ALG12: variants seen among roughly 807,000 people sequenced by gnomAD.
The protein encoded by ALG12 is dol-P-Man:Man(7)GlcNAc(2)-PP-Dol alpha-1,6-mannosyltransferase.
In ALG12, 36 loss-of-function variants were observed where a neutral mutation model predicts 46.0. That is an observed-to-expected ratio of 0.78 (90% CI 0.60 to 1.03). The LOEUF (loss-of-function observed/expected upper bound fraction) is 1.03, where lower values mean the gene tolerates loss of function less well. Ranked by LOEUF, ALG12 falls within the 50% of genes least tolerant of loss-of-function variation. The probability of loss-of-function intolerance (pLI) is 0.00; values close to 1 mark genes in which losing one functional copy is unlikely to be tolerated. For synonymous variants in ALG12, 326 were observed against 291.6 expected (o/e 1.12, Z -1.20); for missense variants, 599 against 633.5 (o/e 0.95, Z 0.58).
chr22:49,899,293 G>A (rs1171247300), downstream of ALG12, among the ~76,000 whole-genome samples: 2 of 152,050 alleles, frequency 1.3e-5, no homozygotes, highest in Non-Finnish European at 2.9e-5. Context: ...TGGCCAATAT[G>A]GTGAAACCCT....
the ALG12 span, chr22:49,884,912 C>G: frequency 1.2e-6 from 2 of 1,602,792 alleles, no homozygotes; most frequent in Non-Finnish European, 1.7e-6. Flanking sequence ...TTCTCATCTT[C>G]CGATGACATA....
Position 49,909,847 on chromosome 22 carries a change from A to C in ALG12, c.664+47T>G, listed in dbSNP as rs375346006. 2.2e-5 allele frequency: 35 copies of C among 1,611,736 alleles called. No individual in the cohort carries two copies. In the African/African-American group the frequency reaches 4.0e-4, roughly 18 times the overall value. On this transcript the variant is annotated intron_variant, in intron 5 of 9. Transcript: ENST00000330817. ...AATTTCTCTTGACCTTTGTAAAACA[A>C]GGCAAAACAAAATCCAGTTAGAAGC...
chr22:49,884,756 C>G, the ALG12 span: 3 of 1,595,544 alleles, frequency 1.9e-6, no homozygotes, highest in African/African-American at 1.3e-5. Flanking sequence ...TTGCTGCCGC[C>G]GGAGGGGGAG....
the ALG12 span, among the ~76,000 whole-genome samples, chr22:49,864,937 GCCC>G: frequency 0.011 from 126 of 11,340 alleles, 17 homozygotes; most frequent in South Asian, 0.08. Flanking sequence ...ATCCCAGCAA[GCCC>G]CCCCCCCCCC....
At position 49,905,063 on chromosome 22, in the gene ALG12, AAGTGACTGTG is replaced by A. The variant is rs1346967652; in HGVS notation, c.993-567_993-558del. 1.3e-5 allele frequency among the ~76,000 whole-genome samples: 2 copies of A among 152,210 alleles called. No individual in the cohort carries two copies. The highest frequency in any genetic ancestry group is 3.9e-4 in the East Asian group (2 of 5,178). On this transcript the variant is annotated intron_variant, in intron 7 of 9. Coordinates refer to ENST00000330817, the MANE Select transcript of ALG12 (RefSeq NM_024105.4). The surrounding 1 kb of genome is among the most constrained non-coding windows in gnomAD (Gnocchi z 4.9). ...TAAAAATATATTTTCAAACAATCCC[AAGTGACTGTG>A]TAGGTCAGAGTGCCACCCGCGCGGC... is the stretch of plus-strand genomic sequence containing the variant.
chr22:49,887,225 TAGC>T, the ALG12 span: 1 of 1,554,602 alleles, frequency 6.4e-7, no homozygotes, highest in Non-Finnish European at 8.7e-7. Context: ...GCCCCAGCGT[TAGC>T]AGCCTGTACC....
chr22:49,886,497 G>GGAGAT, the ALG12 span: 1 of 1,566,550 alleles, frequency 6.4e-7, no homozygotes, highest in Non-Finnish European at 8.7e-7. The surrounding 1 kb of genome is among the most constrained non-coding windows in gnomAD (Gnocchi z 7.7). Flanking sequence ...CTGCGAGCCG[G>GGAGAT]GAGATGAGCA....
At chr22:49,909,039 G>A (rs985861215) in intron 6 of ALG12, among the ~76,000 whole-genome samples, 2 of 152,036 alleles carry the variant, frequency 1.3e-5, no homozygotes, top group African/African-American at 2.4e-5. Flanking sequence ...CCCTCAGGCT[G>A]TTTCCTGGCT....
the ALG12 span, chr22:49,883,779 A>G: frequency 6.2e-7 from 1 of 1,613,402 alleles, no homozygotes; most frequent in Non-Finnish European, 8.5e-7. Context: ...GTTTGGAAAG[A>G]ATGGACTTTA....
the ALG12 span, chr22:49,886,620 G>A: frequency 6.3e-6 from 10 of 1,578,946 alleles, no homozygotes; most frequent in East Asian, 1.8e-4. The surrounding 1 kb of genome is among the most constrained non-coding windows in gnomAD (Gnocchi z 7.7). Flanking sequence ...GCTCTCTGAA[G>A]GAGGCCATGG....
chr22:49,913,090 T>A (rs1601826331), intron 3 of ALG12, among the ~76,000 whole-genome samples: 1 of 152,178 alleles, frequency 6.6e-6, no homozygotes, highest in African/African-American at 2.4e-5. Flanking sequence ...GCTTGCCAGG[T>A]GAGGCGGGAG....
At chr22:49,887,010 G>A in the ALG12 span, 20 of 1,613,926 alleles carry the variant, frequency 1.2e-5, no homozygotes, top group East Asian at 2.2e-5. Context: ...GGCTGTCCGC[G>A]CTGGCCGTCA....
At chr22:49,877,820 C>T in the ALG12 span, among the ~76,000 whole-genome samples, 1 of 152,288 alleles carries the variant, frequency 6.6e-6, no homozygotes, top group Non-Finnish European at 1.5e-5. Context: ...CGTGGCCCCT[C>T]CTCCCGCCAG....
the ALG12 span, chr22:49,889,207 G>A: frequency 4.2e-5 from 7 of 167,164 alleles, no homozygotes; most frequent in South Asian, 4.1e-4. Context: ...TCTAGTCCAC[G>A]ATTGGCAAGC....
Position 49,903,971 on chromosome 22 carries a change from C to T in ALG12, c.1334G>A (p.Arg445Lys). 6.2e-7 allele frequency: 1 copy of T among 1,614,222 alleles called. No individual in the cohort carries two copies. Among genetic ancestry groups the T allele is most frequent in the Non-Finnish European group, 8.5e-7 (1 of 1,180,020 alleles). Reference protein sequence around the residue: ...EAAPGLLALYRDTHRVLASVV... With the variant: ...EAAPGLLALYKDTHRVLASVV... ...GCTGGCCAGGACCCGGTGTGTGTCC[C>T]TGTAGAGGGCCAGGAGCCCAGGGGC... Residue 445 changes from arginine (R) to lysine (K), a missense_variant, in exon 10 of 10, where the codon AGG (arginine) becomes AAG (lysine). By Grantham distance (26) the Arg-to-Lys change is conservative (BLOSUM62 2). Transcript: ENST00000330817.
chr22:49,884,209 C>G, the ALG12 span: 1 of 1,604,918 alleles, frequency 6.2e-7, no homozygotes. Flanking sequence ...GTCCTCGTTC[C>G]CCTCTCCCTC....
the ALG12 span, chr22:49,885,681 T>C: frequency 6.2e-7 from 1 of 1,612,492 alleles, no homozygotes; most frequent in Non-Finnish European, 8.5e-7. Context: ...TCCAGCCATA[T>C]TCTTTTGTAG....
chr22:49,884,088 G>A, the ALG12 span: 1 of 1,612,708 alleles, frequency 6.2e-7, no homozygotes, highest in South Asian at 1.1e-5. Flanking sequence ...GTGTGAAGGA[G>A]TTCAGCAGAG....
chr22:49,899,736 C>T (rs1322430182), downstream of ALG12, among the ~76,000 whole-genome samples: 1 of 151,996 alleles, frequency 6.6e-6, no homozygotes, highest in Non-Finnish European at 1.5e-5. Context: ...TCTGAATTTA[C>T]AAAATATTGG....
Sources: gnomAD v4.1 joint callset for allele counts (sites outside exome capture counted in the v4.1 genomes callset) on GRCh38, gnomAD v4.1.1 for gene constraint, Gnocchi (gnomAD v3.1) non-coding constraint, MANE v1.5 for transcripts, NCBI Gene and HGNC (gene_info 2026-07-23, HGNC 2026-07-21) for gene names.